ANTXRL: variants seen among roughly 807,000 people sequenced by gnomAD.
ANTXRL encodes the protein ANTXR like.
ANTXRL carries 63 observed loss-of-function variants against 75.4 expected under a neutral mutation model. The observed-to-expected ratio is 0.84, with a 90% CI of 0.68 to 1.03. ANTXRL has a LOEUF of 1.03. Ranked by LOEUF, ANTXRL falls within the 50% of genes least tolerant of loss-of-function variation. The pLI, the probability that ANTXRL is intolerant of heterozygous loss-of-function variation, is 0.00. For missense variants in ANTXRL, 797 were observed against 789.4 expected (o/e 1.01, Z -0.12); for synonymous variants, 335 against 291.3 (o/e 1.15, Z -1.53).
chr10:46,297,972 C>T (rs1554959462), intron 8 of ANTXRL, 30 bp from the exon 9 acceptor site: 15 of 1,535,850 alleles, frequency 9.8e-6, no homozygotes, highest in Non-Finnish European at 1.2e-5. Context: ...CTCACTCTCC[C>T]TGTCCCGCCC....
intron 16 of ANTXRL, among the ~76,000 whole-genome samples, chr10:46,323,120 T>A (rs926878674): frequency 6.6e-6 from 1 of 152,172 alleles, no homozygotes; most frequent in Non-Finnish European, 1.5e-5. Flanking sequence ...TGTAAATATT[T>A]ACTGACTTGT....
At chr10:46,300,696 C>A (rs1222562037) in intron 9 of ANTXRL, among the ~76,000 whole-genome samples, 1 of 152,176 alleles carries the variant, frequency 6.6e-6, no homozygotes, top group Non-Finnish European at 1.5e-5. Flanking sequence ...CAAAGGGCAC[C>A]TCATCCTGGA....
intron 10 of ANTXRL, among the ~76,000 whole-genome samples, chr10:46,303,907 G>A (rs1254272819): frequency 1.3e-5 from 2 of 152,038 alleles, no homozygotes; most frequent in Non-Finnish European, 2.9e-5. Context: ...CATTTGATCT[G>A]ATGTTAGTAT....
intron 14 of ANTXRL, among the ~76,000 whole-genome samples, chr10:46,310,954 G>C (rs1288943900): frequency 6.6e-6 from 1 of 152,108 alleles, no homozygotes; most frequent in Non-Finnish European, 1.5e-5. Context: ...TAGCCTCTCA[G>C]GACTGCAGGG....
chr10:46,322,287 T>C (rs1554965702), intron 16 of ANTXRL, among the ~76,000 whole-genome samples: 2 of 151,912 alleles, frequency 1.3e-5, no homozygotes, highest in African/African-American at 4.8e-5. Context: ...TGAAACCCCA[T>C]CTCCATTAAA....
chr10:46,298,139 G>A (rs1588807914), intron 9 of ANTXRL, 77 bp downstream of exon 9: 1 of 1,132,774 alleles, frequency 8.8e-7, no homozygotes. Flanking sequence ...GTGTGCATTT[G>A]TTTGGTATGT....
Position 46,329,949 on chromosome 10 carries a change from C to T in ANTXRL, c.1761C>T (p.Thr587=). The change falls in exon 17 of 17, where the codon ACC becomes ACT. Residue 587 remains threonine (T), a synonymous_variant. Transcript: ENST00000620264. ...CCAGCCGGGAGTGCCTCCCCCTCAC[C>T]TGCTCCTCCAGGTGCCGCCTCCCCC... The part of the protein sequence containing the change: ...LQPSRECLPL[T]CSSRCRLPPA... 1.3e-6 allele frequency: 2 copies of T among 1,535,844 alleles called. No homozygotes were observed. Among genetic ancestry groups the T allele is most frequent in the East Asian group, 2.4e-5 (1 of 40,886 alleles).
intron 16 of ANTXRL, among the ~76,000 whole-genome samples, chr10:46,314,569 CAG>C (rs372052651): frequency 4.0e-5 from 6 of 151,820 alleles, no homozygotes; most frequent in Admixed American, 6.6e-5. Flanking sequence ...TGTGGTGAGA[CAG>C]GGGATGGAGC....
chr10:46,297,900 A>G lies in ANTXRL; in HGVS notation c.724A>G (p.Thr242Ala), dbSNP rs568680302. 8 of 1,535,722 alleles carry G rather than the reference A, an allele frequency of 5.2e-6. No individual in the cohort carries two copies. The highest frequency in any genetic ancestry group is 7.0e-6 in the Non-Finnish European group (8 of 1,146,732). ...VENGFKALRS[T>A]IDALTSKVCL... ...GAATGGCTTCAAGGCCCTGAGAAGC[A>G]CCATTGATGCCGTGAGTGGGCAGAG... is the stretch of plus-strand genomic sequence containing the variant. Residue 242 changes from threonine to alanine, a missense_variant, in exon 8 of 17, where the codon ACC (threonine) becomes GCC (alanine). Thr to Ala is a moderately conservative substitution (Grantham distance 58). Coordinates refer to ENST00000620264, the MANE Select transcript of ANTXRL (RefSeq NM_001278688.3).
chr10:46,323,460 T>C (rs1296168785), intron 16 of ANTXRL, among the ~76,000 whole-genome samples: 1 of 152,136 alleles, frequency 6.6e-6, no homozygotes, highest in Non-Finnish European at 1.5e-5. Context: ...TTAGAAGACA[T>C]CGGGAAGAAT....
rs1476871122 is a variant in ANTXRL at position 46,307,758 on chromosome 10, C to G, written c.1044+278C>G. 3.3e-5 allele frequency among the ~76,000 whole-genome samples: 5 copies of G among 152,136 alleles called. No individual in the cohort carries two copies. The East Asian group carries it at 9.6e-4, about 29-fold the overall frequency. ...CTGCCGTCAGGGTATGTGTGTGCTG[C>G]TGAACTGGTGCCCCAGCTACTGATC... On this transcript the variant is annotated intron_variant, in intron 12 of 16. Transcript: ENST00000620264.
intron 16 of ANTXRL, among the ~76,000 whole-genome samples, chr10:46,316,847 A>G (rs201805768): frequency 7.2e-5 from 11 of 152,178 alleles, no homozygotes; most frequent in African/African-American, 2.2e-4. Flanking sequence ...TGTTGTTGCT[A>G]TGGCTGCAGG....
chr10:46,327,023 G>C (rs1324654053), intron 16 of ANTXRL, among the ~76,000 whole-genome samples: 1 of 152,104 alleles, frequency 6.6e-6, no homozygotes, highest in Non-Finnish European at 1.5e-5. Context: ...CTAGTGCTCT[G>C]GGGCTTTGGG....
At position 46,287,707 on chromosome 10, in the gene ANTXRL, A is replaced by G. The variant is rs149751749; in HGVS notation, c.248+197A>G. Among the ~76,000 whole-genome samples, 505 of 152,166 alleles carry G rather than the reference A, an allele frequency of 3.3e-3. 2 individuals carry two copies. Among genetic ancestry groups the G allele is most frequent in the Non-Finnish European group, 5.9e-3 (402 of 67,992 alleles). On this transcript the variant is annotated intron_variant, in intron 1 of 16. Transcript: ENST00000620264. ...CTGGCTTTCTTTTCCCTGGTGCTTCATCTCCTGGATGAGGAAAAAAGCCAC... is the reference window on the plus strand; with the variant it reads ...CTGGCTTTCTTTTCCCTGGTGCTTCGTCTCCTGGATGAGGAAAAAAGCCAC...
intron 10 of ANTXRL, among the ~76,000 whole-genome samples, chr10:46,304,341 T>C (rs1241439124): frequency 6.6e-6 from 1 of 152,124 alleles, no homozygotes; most frequent in African/African-American, 2.4e-5. Context: ...GTGTGTGCCA[T>C]AGTAATGTGC....
At position 46,309,245 on chromosome 10, in the gene ANTXRL, G is replaced by A. The variant is rs183696374; in HGVS notation, c.1134+43G>A. 781 of 1,534,402 alleles carry A rather than the reference G, an allele frequency of 5.1e-4. 11 individuals are homozygous for A. In the East Asian group the frequency reaches 0.016, roughly 32 times the overall value. ...GCCCAGCTCTGGGGCCCAGGCACAGGCCCACCCTCTGAGGGACTCTAACAT... is the reference window on the plus strand; with the variant it reads ...GCCCAGCTCTGGGGCCCAGGCACAGACCCACCCTCTGAGGGACTCTAACAT... On this transcript the variant is annotated intron_variant, in intron 13 of 16. Transcript: ENST00000620264.
chr10:46,318,002 C>T (rs1306957439), intron 16 of ANTXRL, among the ~76,000 whole-genome samples: 1 of 152,128 alleles, frequency 6.6e-6, no homozygotes, highest in Admixed American at 6.6e-5. Context: ...CTGGAGGTCT[C>T]CTCTACTGTG....
chr10:46,307,524 A>G, intron 12 of ANTXRL, 44 bp downstream of exon 12: 1 of 1,486,862 alleles, frequency 6.7e-7, no homozygotes, highest in Non-Finnish European at 9.1e-7. Flanking sequence ...AGGACTGTCC[A>G]GAGCCTCTGC....
intron 13 of ANTXRL, 71 bp from the exon 14 acceptor site, chr10:46,310,390 C>T (rs1838351666): frequency 2.1e-6 from 3 of 1,415,288 alleles, no homozygotes; most frequent in Non-Finnish European, 1.9e-6. Flanking sequence ...AGGGTCCCAG[C>T]TGTGTGCAGG....
Sources: gnomAD v4.1 joint callset for allele counts (sites outside exome capture counted in the v4.1 genomes callset) on GRCh38, gnomAD v4.1.1 for gene constraint, MANE v1.5 for transcripts, NCBI Gene and HGNC (gene_info 2026-07-23, HGNC 2026-07-21) for gene names.